Variants in SLC5A12 observed in about 807,000 individuals in gnomAD.
The protein encoded by SLC5A12 is solute carrier family 5 member 12.
SLC5A12 carries 46 observed loss-of-function variants against 72.7 expected under a neutral mutation model. The ratio of observed to expected loss-of-function variants is 0.63; its 90% CI spans 0.50 to 0.81. The LOEUF is 0.81. SLC5A12 is among the 30% of genes least tolerant of loss of function. The pLI, the probability that SLC5A12 is intolerant of heterozygous loss-of-function variation, is 0.00. For missense variants in SLC5A12, 683 were observed against 740.7 expected (o/e 0.92, Z 0.90); for synonymous variants, 275 against 264.4 (o/e 1.04, Z -0.39).
At chr11:26,702,174 A>G (rs74854187) in intron 6 of SLC5A12, among the ~76,000 whole-genome samples, 3,067 of 152,286 alleles carry the variant, frequency 0.02, 99 homozygotes, top group African/African-American at 0.066. Context: ...GCTATTGGAT[A>G]AAGAGATGAC....
chr11:26,697,375 G>A, intron 7 of SLC5A12, 123 bp from the exon 8 acceptor site: 1 of 778,684 alleles, frequency 1.3e-6, no homozygotes, highest in Non-Finnish European at 2.0e-6. Flanking sequence ...TGGGAACATA[G>A]CTGTTTAGCA....
At chr11:26,691,254 C>A (rs1050047902) in intron 9 of SLC5A12, among the ~76,000 whole-genome samples, 51 of 152,050 alleles carry the variant, frequency 3.4e-4, no homozygotes, top group Admixed American at 9.8e-4. Context: ...CTAACTTGGG[C>A]AATTTAAAAA....
At chr11:26,673,048 C>T (rs146207771) in intron 14 of SLC5A12, among the ~76,000 whole-genome samples, 3,992 of 152,216 alleles carry the variant, frequency 0.026, 79 homozygotes, top group Non-Finnish European at 0.041. Flanking sequence ...GACTGTCTGA[C>T]GCTAAAGTCC....
At chr11:26,702,181 T>A (rs552530362) in intron 6 of SLC5A12, among the ~76,000 whole-genome samples, 3 of 152,278 alleles carry the variant, frequency 2.0e-5, no homozygotes, top group East Asian at 3.9e-4. Context: ...GATAAAGAGA[T>A]GACCACATGT....
chr11:26,698,381 C>T (rs772514542), intron 7 of SLC5A12, 25 bp downstream of exon 7: 2 of 1,610,974 alleles, frequency 1.2e-6, no homozygotes, highest in South Asian at 1.1e-5. Context: ...CAGACACTCG[C>T]CACTGTCCTC....
At chr11:26,678,063 A>G (rs985781906) in intron 13 of SLC5A12, among the ~76,000 whole-genome samples, 1 of 152,186 alleles carries the variant, frequency 6.6e-6, no homozygotes, top group Non-Finnish European at 1.5e-5. Context: ...CTTACAGTGA[A>G]GCTGCTCACT....
chr11:26,696,098 C>T lies in SLC5A12; in HGVS notation c.1040+1066G>A, dbSNP rs114130272. Among the ~76,000 whole-genome samples the T allele has an allele frequency of 3.0e-3, 463 of 152,304 alleles. 3 individuals are homozygous for T. Among genetic ancestry groups the T allele is most frequent in the African/African-American group, 0.01 (422 of 41,558 alleles). On this transcript the variant is annotated intron_variant, in intron 8 of 14. Transcript: ENST00000396005. ...AGACTTCACCTCTCTCTAGGATACACACTGTTATTTCCTTTATATACTATT... is the reference window on the plus strand; with the variant it reads ...AGACTTCACCTCTCTCTAGGATACATACTGTTATTTCCTTTATATACTATT...
At chr11:26,708,356 G>A (rs1855139265) in intron 4 of SLC5A12, among the ~76,000 whole-genome samples, 1 of 151,872 alleles carries the variant, frequency 6.6e-6, no homozygotes, top group African/African-American at 2.4e-5. Context: ...TGAGTGTCTG[G>A]AATAGAATCA....
Position 26,697,215 on chromosome 11 carries a change from A to G in SLC5A12, c.989T>C (p.Met330Thr), listed in dbSNP as rs759981785. Residue 330 changes from methionine to threonine, a missense_variant, in exon 8 of 15, where the codon ATG (methionine) becomes ACG (threonine). Coordinates refer to ENST00000396005, the MANE Select transcript of SLC5A12 (RefSeq NM_178498.4). ...PYFVMEIFAT[M>T]PGLPGLFVAC... ...CACAAAAAGTCCTGGCAGTCCTGGC[A>G]TTGTGGCAAATATCTCCATGACAAA... 6 of 1,614,006 alleles carry G rather than the reference A, an allele frequency of 3.7e-6. No individual in the cohort carries two copies. Among genetic ancestry groups the G allele is most frequent in the South Asian group, 2.2e-5 (2 of 91,078 alleles).
At chr11:26,712,973 T>C (rs1855267477) in intron 1 of SLC5A12, among the ~76,000 whole-genome samples, 1 of 152,148 alleles carries the variant, frequency 6.6e-6, no homozygotes, top group African/African-American at 2.4e-5. Context: ...ATTGACTTTC[T>C]GCCCAAAAGT....
chr11:26,670,351 G>A lies in SLC5A12; in HGVS notation c.*751C>T, dbSNP rs1283634300. Reference sequence around the variant, plus strand: ...CTCTAGACTTCTTATTGAGCTCTGAGGCAATTTTTCATTGTAAAGTGATAG... The same window carrying A: ...CTCTAGACTTCTTATTGAGCTCTGAAGCAATTTTTCATTGTAAAGTGATAG... On this transcript the variant is annotated 3_prime_UTR_variant, in exon 15 of 15. Transcript: ENST00000396005. 1 of 152,044 alleles carries A rather than the reference G, an allele frequency of 6.6e-6. No individual in the cohort carries two copies. Among genetic ancestry groups the A allele is most frequent in the Non-Finnish European group, 1.5e-5 (1 of 68,020 alleles). The allele number at this position is 152,044 out of a possible 1,614,324, so 9.4% of individuals were successfully genotyped here.
intron 2 of SLC5A12, among the ~76,000 whole-genome samples, chr11:26,711,719 G>A (rs758321766): frequency 2.1e-4 from 32 of 152,062 alleles, no homozygotes; most frequent in Non-Finnish European, 3.5e-4. Context: ...CCGACTTCAT[G>A]AGGAGCTTTA....
At chr11:26,701,142 A>AC (rs11412555) in intron 6 of SLC5A12, among the ~76,000 whole-genome samples, 7,160 of 151,684 alleles carry the variant, frequency 0.047, 551 homozygotes, top group African/African-American at 0.16. Context: ...GACAGATGGG[A>AC]CCCCCCTCAC....
chr11:26,713,397 C>T (rs1855277476), intron 1 of SLC5A12, among the ~76,000 whole-genome samples: 2 of 151,878 alleles, frequency 1.3e-5, no homozygotes, highest in Admixed American at 6.6e-5. Context: ...TTAGGCAGAA[C>T]TCTCAATATA....
intron 13 of SLC5A12, among the ~76,000 whole-genome samples, chr11:26,674,062 C>T (rs1162093476): frequency 1.3e-5 from 2 of 152,116 alleles, no homozygotes; most frequent in African/African-American, 2.4e-5. Flanking sequence ...CCTCCTTTTC[C>T]CTTCCTTGAA....
intron 2 of SLC5A12, 84 bp from the exon 3 acceptor site, chr11:26,711,442 G>C (rs895091999): frequency 9.8e-7 from 1 of 1,019,488 alleles, no homozygotes; most frequent in African/African-American, 1.6e-5. Context: ...ATCGACGTTA[G>C]ACTTGTATTC....
At chr11:26,716,483 T>A (rs1364624485) in intron 1 of SLC5A12, 1 of 152,214 alleles carries the variant, frequency 6.6e-6, no homozygotes, top group Admixed American at 6.5e-5. Context: ...CTATTCCTAT[T>A]GTCAAAAGTA....
chr11:26,671,217 C>T lies in SLC5A12; in HGVS notation c.1742G>A (p.Gly581Glu), dbSNP rs1436592987. 4 of 1,605,544 alleles carry T rather than the reference C, an allele frequency of 2.5e-6. No homozygotes were observed. The highest frequency in any genetic ancestry group is 2.7e-5 in the African/African-American group (2 of 74,394). The change falls in exon 15 of 15, where the codon GGG becomes GAG. Residue 581 changes from glycine to glutamate, a missense_variant. By Grantham distance (98) the Gly-to-Glu change is moderately conservative. Coordinates refer to ENST00000396005, the MANE Select transcript of SLC5A12 (RefSeq NM_178498.4). ...NLENGSARKQ[G>E]AESVLQNGLR... ...TCCGTTCTGTAAGACAGATTCAGCCCCCTGTTTCCGGGCACTGCCATTCTC... is the reference window on the plus strand; with the variant it reads ...TCCGTTCTGTAAGACAGATTCAGCCTCCTGTTTCCGGGCACTGCCATTCTC...
At position 26,721,769 on chromosome 11, in the gene SLC5A12, G is replaced by T; in HGVS notation, c.-55C>A. On this transcript the variant is annotated 5_prime_UTR_variant, in exon 1 of 15. Coordinates refer to ENST00000396005, the MANE Select transcript of SLC5A12 (RefSeq NM_178498.4). ...TTCAACGAGGTCTCAGGAAGAAGAT[G>T]TTTCCAAAAGCAAAGTTCAGTACAG... 6.6e-7 allele frequency: 1 copy of T among 1,513,382 alleles called. No homozygotes were observed. The highest frequency in any genetic ancestry group is 9.0e-7 in the Non-Finnish European group (1 of 1,111,130). 93.7% of individuals were successfully genotyped at this position (1,513,382 alleles called of 1,614,324 possible).
Sources: allele counts gnomAD v4.1 joint callset (sites outside exome capture counted in the v4.1 genomes callset), GRCh38; gene constraint gnomAD v4.1.1; transcripts MANE v1.5; gene names NCBI Gene and HGNC (gene_info 2026-07-23, HGNC 2026-07-21).